The following TAF4 variants were observed in gnomAD, a reference collection of about 807,000 sequenced individuals.
TAF4 encodes transcription initiation factor TFIID subunit 4.
In TAF4, 9 loss-of-function variants were observed where a neutral mutation model predicts 90.3. The ratio of observed to expected loss-of-function variants is 0.10; its 90% CI spans 0.06 to 0.17. The LOEUF (loss-of-function observed/expected upper bound fraction) is 0.17. Among genes scored for constraint, TAF4 ranks in the 10% least tolerant of loss-of-function variants. TAF4 has a pLI of 1.00. For missense variants in TAF4, 1,351 were observed against 1,370.7 expected (o/e 0.99, Z 0.23); for synonymous variants, 818 against 638.9 (o/e 1.28, Z -4.23).
At chr20:61,990,160 C>T (rs995267439) in intron 14 of TAF4, among the ~76,000 whole-genome samples, 5 of 152,142 alleles carry the variant, frequency 3.3e-5, no homozygotes, top group African/African-American at 1.2e-4. Context: ...ATTTAGGGTG[C>T]TGGGTATCGT....
chr20:61,993,243 G>A (rs1338262095), intron 14 of TAF4, among the ~76,000 whole-genome samples: 3 of 152,174 alleles, frequency 2.0e-5, no homozygotes, highest in East Asian at 1.9e-4. Flanking sequence ...TCCCCGGGGC[G>A]CACAGCCCAG....
intron 14 of TAF4, among the ~76,000 whole-genome samples, chr20:61,988,970 C>G (rs1170157260): frequency 6.6e-6 from 1 of 152,242 alleles, no homozygotes; most frequent in East Asian, 1.9e-4. Context: ...CGCCGCGACC[C>G]CAGCAGGTAA....
chr20:62,009,450 C>G (rs1028830706), intron 4 of TAF4, among the ~76,000 whole-genome samples: 1 of 152,168 alleles, frequency 6.6e-6, no homozygotes, highest in Non-Finnish European at 1.5e-5. Context: ...AGAGACTCTG[C>G]GAAGATGCCT....
At chr20:62,001,153 T>C (rs546688340) in intron 9 of TAF4, among the ~76,000 whole-genome samples, 46 of 152,302 alleles carry the variant, frequency 3.0e-4, no homozygotes, top group African/African-American at 8.7e-4. Flanking sequence ...TAACCTGACT[T>C]TCCTCCACCC....
At position 62,064,874 on chromosome 20, in the gene TAF4, G is replaced by C; in HGVS notation, c.937C>G (p.Pro313Ala). ...CCCCCGGCGGCCGGGGCGGGGGCGG[G>C]GGCTGCCCCGGCGCTGCCCCCGTTC... ...AQNGGSAGAA[P>A]APAPAAGGPA... The change falls in exon 1 of 15, where the codon CCC becomes GCC. Residue 313 changes from proline to alanine, a missense_variant. Pro to Ala is a conservative substitution (Grantham distance 27, BLOSUM62 -1). Transcript: ENST00000252996. 1 of 919,844 alleles carries C rather than the reference G, an allele frequency of 1.1e-6. No individual in the cohort carries two copies. The highest frequency in any genetic ancestry group is 1.3e-6 in the Non-Finnish European group (1 of 775,632). The allele number at this position is 919,844 out of a possible 1,614,324, so 57.0% of individuals were successfully genotyped here.
intron 14 of TAF4, among the ~76,000 whole-genome samples, chr20:61,978,635 C>T (rs952186161): frequency 6.7e-6 from 1 of 150,112 alleles, no homozygotes; most frequent in Non-Finnish European, 1.5e-5. Flanking sequence ...GGGGGCAAGA[C>T]GAACCAAGGC....
intron 1 of TAF4, among the ~76,000 whole-genome samples, chr20:62,017,466 A>T (rs1451615229): frequency 6.7e-6 from 1 of 149,638 alleles, no homozygotes; most frequent in Non-Finnish European, 1.5e-5. Context: ...GTGAAACCCC[A>T]TCTCTACTAA....
intron 14 of TAF4, among the ~76,000 whole-genome samples, chr20:61,992,571 T>A (rs2055638071): frequency 6.6e-6 from 1 of 151,790 alleles, no homozygotes. Context: ...TTGAACTACC[T>A]GAATTGGAAA....
chr20:62,022,779 G>A (rs763628361), intron 1 of TAF4, among the ~76,000 whole-genome samples: 2 of 152,174 alleles, frequency 1.3e-5, no homozygotes, highest in Non-Finnish European at 1.5e-5. Context: ...TGTGCTGCCC[G>A]GCGCAGGCGC....
At chr20:62,048,444 G>A (rs2056006196) in intron 1 of TAF4, among the ~76,000 whole-genome samples, 1 of 152,110 alleles carries the variant, frequency 6.6e-6, no homozygotes, top group Non-Finnish European at 1.5e-5. Context: ...CTGGCCAGCA[G>A]GTCCTAGCTA....
chr20:62,014,442 C>G, intron 2 of TAF4, 105 bp downstream of exon 2: 1 of 1,391,860 alleles, frequency 7.2e-7, no homozygotes, highest in Non-Finnish European at 9.4e-7. Context: ...CTTCCCAGTC[C>G]TCACTCCCAT....
At chr20:62,000,481 C>T in intron 10 of TAF4, 71 bp downstream of exon 10, 1 of 1,529,958 alleles carries the variant, frequency 6.5e-7, no homozygotes. Flanking sequence ...GTCAGGTGTG[C>T]TCACCTGAAG....
At chr20:62,042,312 C>T (rs75697561) in intron 1 of TAF4, among the ~76,000 whole-genome samples, 2,685 of 152,324 alleles carry the variant, frequency 0.018, 87 homozygotes, top group African/African-American at 0.062. Context: ...CACTCCATCC[C>T]CTTGCCAGCT....
chr20:61,985,259 G>A (rs945856169), intron 14 of TAF4, among the ~76,000 whole-genome samples: 2 of 151,796 alleles, frequency 1.3e-5, no homozygotes, highest in African/African-American at 2.4e-5. Flanking sequence ...GAGCTGTGCT[G>A]CAGGTGAATG....
chr20:62,012,616 AG>A, intron 3 of TAF4, 198 bp downstream of exon 3: 1 of 680,414 alleles, frequency 1.5e-6, no homozygotes, highest in South Asian at 3.4e-5. Flanking sequence ...AAAAGAAAAA[AG>A]AAAAAAAGAA....
intron 1 of TAF4, among the ~76,000 whole-genome samples, chr20:62,060,087 G>T (rs1037118272): frequency 1.1e-4 from 17 of 152,172 alleles, no homozygotes; most frequent in African/African-American, 3.9e-4. Flanking sequence ...GCCGCCTCCC[G>T]GCCTCCCTGT....
chr20:62,022,331 A>T (rs2055848478), intron 1 of TAF4, among the ~76,000 whole-genome samples: 1 of 152,156 alleles, frequency 6.6e-6, no homozygotes, highest in South Asian at 2.1e-4. Context: ...AAGGCCCAGA[A>T]AACACAAACG....
At chr20:61,991,015 C>G (rs1160822744) in intron 14 of TAF4, among the ~76,000 whole-genome samples, 2 of 152,172 alleles carry the variant, frequency 1.3e-5, no homozygotes, top group Non-Finnish European at 2.9e-5. Flanking sequence ...AGCATCCCTA[C>G]AGACCACAGA....
chr20:62,062,367 A>C (rs2056094024), intron 1 of TAF4, among the ~76,000 whole-genome samples: 1 of 151,536 alleles, frequency 6.6e-6, no homozygotes, highest in Admixed American at 6.6e-5. Context: ...AAAAGAAGGT[A>C]CTCTGGTTTG....
Sources: allele counts gnomAD v4.1 joint callset (sites outside exome capture counted in the v4.1 genomes callset), GRCh38; gene constraint gnomAD v4.1.1; transcripts MANE v1.5; gene names NCBI Gene and HGNC (gene_info 2026-07-23, HGNC 2026-07-21).